ROBO2: variants seen among roughly 807,000 people sequenced by gnomAD.
The protein encoded by ROBO2 is roundabout guidance receptor 2.
In ROBO2, 53 loss-of-function variants were observed where a neutral mutation model predicts 160.8. That is an observed-to-expected ratio of 0.33 (90% CI 0.26 to 0.41). The LOEUF (loss-of-function observed/expected upper bound fraction) is 0.41, where lower values mean the gene tolerates loss of function less well. Among genes scored for constraint, ROBO2 ranks in the 10% least tolerant of loss-of-function variants. ROBO2 has a pLI of 1.00. For missense variants in ROBO2, 1,577 were observed against 1,722.4 expected (o/e 0.92, Z 1.49); for synonymous variants, 664 against 611.7 (o/e 1.09, Z -1.26).
chr3:76,910,909 C>A lies in ROBO2; in HGVS notation c.110-187105C>A, dbSNP rs577020183. On this transcript the variant is annotated intron_variant, in intron 2 of 26. Coordinates refer to the ROBO2 transcript ENST00000487694. Reference sequence around the variant, plus strand: ...AAAAAGAGATTTGGGGGGATAAGTCCTTTTTTTGCTTCATTCGAATACATT... The same window carrying A: ...AAAAAGAGATTTGGGGGGATAAGTCATTTTTTTGCTTCATTCGAATACATT... Among the ~76,000 whole-genome samples the A allele has an allele frequency of 4.0e-5, 6 of 151,790 alleles. No homozygotes were observed. In the East Asian group the frequency reaches 1.2e-3, roughly 30 times the overall value.
intron 2 of ROBO2, among the ~76,000 whole-genome samples, chr3:76,397,245 T>A (rs981924195): frequency 6.6e-6 from 1 of 152,130 alleles, no homozygotes; most frequent in African/African-American, 2.4e-5. Flanking sequence ...ATTTAATAAA[T>A]GGTGCTGGGA....
At chr3:76,260,569 G>A (rs913855253) in intron 2 of ROBO2, among the ~76,000 whole-genome samples, 2 of 151,922 alleles carry the variant, frequency 1.3e-5, no homozygotes, top group African/African-American at 4.8e-5. Flanking sequence ...TCATTGGTGA[G>A]GGTATGAATC....
At chr3:76,930,331 C>T (rs1559720437) in intron 2 of ROBO2, among the ~76,000 whole-genome samples, 1 of 152,140 alleles carries the variant, frequency 6.6e-6, no homozygotes, top group African/African-American at 2.4e-5. Flanking sequence ...CCCTTCCCCA[C>T]TCTTTGTGCA....
chr3:76,526,249 G>A (rs919081467), intron 2 of ROBO2, among the ~76,000 whole-genome samples: 1 of 152,022 alleles, frequency 6.6e-6, no homozygotes, highest in African/African-American at 2.4e-5. Flanking sequence ...AAGACTTACA[G>A]TTCTCATGCA....
At chr3:76,217,788 G>A (rs1418030378) in intron 2 of ROBO2, among the ~76,000 whole-genome samples, 2 of 152,132 alleles carry the variant, frequency 1.3e-5, no homozygotes, top group Admixed American at 1.3e-4. Context: ...TAGAAAAAGA[G>A]GGAATCCTCC....
chr3:76,335,664 A>G (rs959580085), intron 2 of ROBO2, among the ~76,000 whole-genome samples: 26 of 146,552 alleles, frequency 1.8e-4, no homozygotes, highest in South Asian at 6.6e-4. Context: ...TGCAAGCTCC[A>G]CCTCCCGGGT....
At chr3:76,635,613 T>TC (rs1330985218) in intron 2 of ROBO2, among the ~76,000 whole-genome samples, 4 of 152,158 alleles carry the variant, frequency 2.6e-5, no homozygotes, top group Non-Finnish European at 4.4e-5. Flanking sequence ...CCTTTGAACT[T>TC]CCCCTCTATG....
At chr3:76,418,287 A>G (rs1247063704) in intron 2 of ROBO2, among the ~76,000 whole-genome samples, 3 of 149,638 alleles carry the variant, frequency 2.0e-5, no homozygotes, top group Non-Finnish European at 4.4e-5. Context: ...TTCTGCCGCC[A>G]GGCTGAAGTG....
intron 2 of ROBO2, among the ~76,000 whole-genome samples, chr3:76,414,546 C>T (rs2075659316): frequency 1.4e-5 from 2 of 138,922 alleles, no homozygotes; most frequent in Non-Finnish European, 3.0e-5. Context: ...TATTCTCACT[C>T]ATAGGTGGGA....
At chr3:76,634,586 A>AG (rs71104608) in intron 2 of ROBO2, among the ~76,000 whole-genome samples, 6,783 of 151,040 alleles carry the variant, frequency 0.045, 517 homozygotes, top group African/African-American at 0.16. Context: ...AAAAAAAAAA[A>AG]GGACATCAGT....
intron 2 of ROBO2, among the ~76,000 whole-genome samples, chr3:77,180,414 C>CTATATATATATATATATATATA (rs1449905064): frequency 1.1e-5 from 1 of 92,736 alleles, no homozygotes; most frequent in Non-Finnish European, 2.5e-5. Flanking sequence ...CTCTCTCTCT[C>CTATATATATATATATATATATA]TCTATATATA....
chr3:76,793,296 A>G (rs2063483880), intron 2 of ROBO2, among the ~76,000 whole-genome samples: 1 of 151,880 alleles, frequency 6.6e-6, no homozygotes, highest in South Asian at 2.1e-4. Flanking sequence ...AAGCCTCTTT[A>G]TTATCTCACC....
intron 2 of ROBO2, among the ~76,000 whole-genome samples, chr3:76,785,665 G>T (rs2062927703): frequency 6.6e-6 from 1 of 151,020 alleles, no homozygotes; most frequent in Admixed American, 6.6e-5. Flanking sequence ...GAGAGAGAAA[G>T]AATGATGTTT....
chr3:77,017,435 A>C (rs767970953), intron 2 of ROBO2, among the ~76,000 whole-genome samples: 3 of 152,206 alleles, frequency 2.0e-5, no homozygotes, highest in Admixed American at 6.5e-5. Context: ...CCAAGAAATT[A>C]AATGTATATT....
At chr3:77,439,576 A>T (rs565369352) in intron 2 of ROBO2, among the ~76,000 whole-genome samples, 2 of 152,250 alleles carry the variant, frequency 1.3e-5, no homozygotes, top group East Asian at 3.9e-4. Flanking sequence ...ACAGACCAAG[A>T]TCCACCAAAA....
chr3:77,508,906 G>A (rs1038364498), intron 5 of ROBO2, among the ~76,000 whole-genome samples: 2 of 152,018 alleles, frequency 1.3e-5, no homozygotes, highest in Non-Finnish European at 2.9e-5. Flanking sequence ...TGTGTGAGGG[G>A]AGAAAATGTA....
intron 5 of ROBO2, among the ~76,000 whole-genome samples, chr3:77,517,608 G>A (rs887184276): frequency 4.0e-5 from 6 of 151,282 alleles, no homozygotes; most frequent in African/African-American, 9.7e-5. Flanking sequence ...TGTTACAGTC[G>A]TCCCTTCTGA....
intron 2 of ROBO2, among the ~76,000 whole-genome samples, chr3:76,219,937 A>C (rs1354662629): frequency 2.0e-5 from 3 of 151,900 alleles, no homozygotes; most frequent in African/African-American, 4.8e-5. Flanking sequence ...CAAATGTCCA[A>C]CAATGATAGA....
intron 2 of ROBO2, among the ~76,000 whole-genome samples, chr3:77,025,096 T>C (rs2062881471): frequency 6.6e-6 from 1 of 152,128 alleles, no homozygotes; most frequent in South Asian, 2.1e-4. Context: ...CCCTTTAAAA[T>C]ATGTGGTGGT....
Sources: gnomAD v4.1 joint callset for allele counts (sites outside exome capture counted in the v4.1 genomes callset) on GRCh38, gnomAD v4.1.1 for gene constraint, MANE v1.5 for transcripts, NCBI Gene and HGNC (gene_info 2026-07-23, HGNC 2026-07-21) for gene names.